The following EVC variants were observed in gnomAD, a reference collection of about 807,000 sequenced individuals.
EVC encodes the protein evC complex member EVC.
A neutral mutation model predicts 118.9 loss-of-function variants in EVC; 116 were observed. That is an observed-to-expected ratio of 0.98 (90% CI 0.84 to 1.14). The LOEUF is 1.14. Among genes scored for constraint, EVC ranks in the 50% most tolerant of loss-of-function variants. EVC has a pLI of 0.00. For missense variants in EVC, 1,401 were observed against 1,246.4 expected (o/e 1.12, Z -1.87); for synonymous variants, 619 against 534.7 (o/e 1.16, Z -2.18).
chr4:5,817,521 T>C (rs1299748516), downstream of EVC, among the ~76,000 whole-genome samples: 1 of 152,194 alleles, frequency 6.6e-6, no homozygotes, highest in African/African-American at 2.4e-5. Context: ...CCTGTGTCTT[T>C]TCCTCTAAAA....
chr4:5,775,836 A>G (rs570017431), intron 11 of EVC, among the ~76,000 whole-genome samples: 1 of 152,322 alleles, frequency 6.6e-6, no homozygotes, highest in South Asian at 2.1e-4. Context: ...TTTATATCTC[A>G]TATAGTTGTT....
At chr4:5,750,166 A>C (rs979495614) in intron 8 of EVC, among the ~76,000 whole-genome samples, 1 of 152,172 alleles carries the variant, frequency 6.6e-6, no homozygotes, top group Admixed American at 6.5e-5. Context: ...CTCTAATGAC[A>C]TCGCTGAGCC....
rs1714134820 is a variant in EVC, at chr4:5,797,227, G to A, written c.2092G>A (p.Ala698Thr). 6.2e-7 allele frequency: 1 copy of A among 1,606,188 alleles called. No homozygotes were observed. The highest frequency in any genetic ancestry group is 8.5e-7 in the Non-Finnish European group (1 of 1,177,462). The change falls in exon 14 of 21, where the codon GCC becomes ACC. Residue 698 changes from alanine (A) to threonine (T), a missense_variant. Transcript: ENST00000264956. ...CGAGCATCAGTGGCAGCTGCTCAGG[G>A]CCCTGGTAAGACCAGCATGGTGGCC... ...LDEHQWQLLR[A>T]LEARVLEEAS...
rs1050281342 is a variant in EVC, at chr4:5,775,263, T to C, written c.1564-8289T>C. Among the ~76,000 whole-genome samples, 4 of 152,224 alleles carry C rather than the reference T, an allele frequency of 2.6e-5. No homozygotes were observed. The South Asian group carries it at 8.3e-4, about 32-fold the overall frequency. On this transcript the variant is annotated intron_variant, in intron 11 of 20. Transcript: ENST00000264956. Reference sequence around the variant, plus strand: ...TTTTTACTGTGAAATATAAGACATATGAATAAATAAAGCATAATCTTACAA... The same window carrying C: ...TTTTTACTGTGAAATATAAGACATACGAATAAATAAAGCATAATCTTACAA...
At position 5,809,571 on chromosome 4, in the gene EVC, T is replaced by A; in HGVS notation, c.2742T>A (p.Leu914=). The stretch of plus-strand genomic sequence containing the variant: ...TGGCAGCCTTGGCCCGAGTGCCCCT[T>A]GCTGAAAGCAAACTGTTGCCTGCTA... The part of the protein sequence containing the change: ...SELAALARVP[L]AESKLLPAKR... Residue 914 remains leucine, a synonymous_variant, in exon 19 of 21, where the codon CTT becomes CTA. Coordinates refer to ENST00000264956, the MANE Select transcript of EVC (RefSeq NM_153717.3). 6.2e-7 allele frequency: 1 copy of A among 1,614,190 alleles called. No homozygotes were observed. The highest frequency in any genetic ancestry group is 8.5e-7 in the Non-Finnish European group (1 of 1,180,036).
At chr4:5,753,107 G>A in intron 9 of EVC, 55 bp downstream of exon 9, 1 of 1,495,798 alleles carries the variant, frequency 6.7e-7, no homozygotes, top group East Asian at 2.4e-5. Context: ...TGGGTCCCTG[G>A]GGCTGTGCAG....
At chr4:5,790,209 G>A (rs1261943193) in intron 12 of EVC, among the ~76,000 whole-genome samples, 2 of 144,370 alleles carry the variant, frequency 1.4e-5, no homozygotes, top group Admixed American at 1.4e-4. Context: ...AACGATGACT[G>A]TGCAGAATTT....
chr4:5,781,124 T>C (rs1735541699), intron 11 of EVC, among the ~76,000 whole-genome samples: 1 of 152,164 alleles, frequency 6.6e-6, no homozygotes, highest in Non-Finnish European at 1.5e-5. Context: ...TTGCACCTAA[T>C]GAGACCCTGT....
At chr4:5,733,988 A>G (rs13130333) in intron 5 of EVC, among the ~76,000 whole-genome samples, 33,858 of 152,008 alleles carry the variant, frequency 0.22, 4,256 homozygotes, top group South Asian at 0.32. Flanking sequence ...TCATGGGGCC[A>G]CGTGTTCTCT....
intron 1 of EVC, among the ~76,000 whole-genome samples, chr4:5,718,249 C>A (rs942314232): frequency 6.6e-6 from 1 of 151,898 alleles, no homozygotes; most frequent in African/African-American, 2.4e-5. Flanking sequence ...CTGGTCACAA[C>A]ATTTCCATTA....
At chr4:5,816,581 CCCCT>C (rs1355933250), downstream of EVC, among the ~76,000 whole-genome samples, 1 of 149,398 alleles carries the variant, frequency 6.7e-6, no homozygotes, top group African/African-American at 2.5e-5. Flanking sequence ...CTCCCTTCCT[CCCCT>C]CCCTCCCTTC....
chr4:5,719,078 T>TG lies in EVC; in HGVS notation c.175-166dup, dbSNP rs1724483432. 2.0e-5 allele frequency among the ~76,000 whole-genome samples: 3 copies of TG among 152,114 alleles called. No homozygotes were observed. Among genetic ancestry groups the TG allele is most frequent in the African/African-American group, 7.2e-5 (3 of 41,492 alleles). On this transcript the variant is annotated intron_variant, in intron 1 of 20. Transcript: ENST00000264956. The surrounding 1 kb of genome is among the most constrained non-coding windows in gnomAD (Gnocchi z 4.7). ...TGAAGGACATGTAGCGGACCCCACG[T>TG]GGGGTGGGAGGCGTCACACACAGAA...
At chr4:5,783,789 GCTGGGGT>G (rs1560402220) in intron 12 of EVC, 25 bp downstream of exon 12, 1 of 1,578,064 alleles carries the variant, frequency 6.3e-7, no homozygotes, top group Non-Finnish European at 8.6e-7. Flanking sequence ...GAACCCAGGG[GCTGGGGT>G]CTGCATTTTA....
chr4:5,712,103 A>G (rs985357226), intron 1 of EVC, among the ~76,000 whole-genome samples: 5 of 152,206 alleles, frequency 3.3e-5, no homozygotes, highest in African/African-American at 1.2e-4. Context: ...TGAGGCTGTG[A>G]ACCTCAAGGA....
chr4:5,795,911 C>A (rs548938757), intron 13 of EVC, among the ~76,000 whole-genome samples: 2 of 152,300 alleles, frequency 1.3e-5, no homozygotes, highest in South Asian at 4.1e-4. Context: ...CCTATTCTCT[C>A]CCTCCTCTCT....
intron 13 of EVC, among the ~76,000 whole-genome samples, chr4:5,796,787 C>T (rs1405281144): frequency 1.3e-5 from 2 of 151,784 alleles, no homozygotes; most frequent in African/African-American, 2.4e-5. Context: ...CTGCTGTACA[C>T]ATGCATTGGA....
chr4:5,712,949 G>T (rs867689), intron 1 of EVC, among the ~76,000 whole-genome samples: 125,108 of 152,258 alleles, frequency 0.82, 51,610 homozygotes, highest in African/African-American at 0.89. Context: ...AGTGAGGCAG[G>T]GGATGCTCTG....
chr4:5,783,473 A>C, intron 11 of EVC, 79 bp from the exon 12 acceptor site: 2 of 1,371,122 alleles, frequency 1.5e-6, no homozygotes, highest in South Asian at 2.3e-5. Context: ...AGGCTTGTGG[A>C]GGAGAGGCAG....
chr4:5,760,832 G>C (rs182679165), intron 11 of EVC, among the ~76,000 whole-genome samples: 13 of 152,158 alleles, frequency 8.5e-5, no homozygotes, highest in Non-Finnish European at 1.3e-4. Context: ...GATTATAGGC[G>C]TGAGCCACCG....
Sources: allele counts gnomAD v4.1 joint callset (sites outside exome capture counted in the v4.1 genomes callset), GRCh38; gene constraint gnomAD v4.1.1; non-coding constraint Gnocchi (gnomAD v3.1); transcripts MANE v1.5; gene names NCBI Gene and HGNC (gene_info 2026-07-23, HGNC 2026-07-21).